TRIM55: variants seen among roughly 807,000 people sequenced by gnomAD.
TRIM55 encodes the protein tripartite motif containing 55.
Under a neutral mutation model 60.9 loss-of-function variants are expected in TRIM55, and 50 were observed. The observed-to-expected ratio is 0.82, with a 90% confidence interval of 0.65 to 1.04. TRIM55 has a LOEUF of 1.04. Ranked by LOEUF, TRIM55 falls within the 50% of genes least tolerant of loss-of-function variation. The pLI, the probability that TRIM55 is intolerant of heterozygous loss-of-function variation, is 0.00. For synonymous variants in TRIM55, 237 were observed against 238.1 expected (o/e 1.00, Z 0.04); for missense variants, 681 against 666.9 (o/e 1.02, Z -0.23).
chr8:66,113,737 C>T, the TRIM55 span: 1 of 359,292 alleles, frequency 2.8e-6, no homozygotes, highest in Non-Finnish European at 5.5e-6. Context: ...GCCCGGGCCC[C>T]GAGTCACACA....
chr8:66,133,800 A>C (rs1391412614), intron 2 of TRIM55, among the ~76,000 whole-genome samples: 6 of 152,214 alleles, frequency 3.9e-5, no homozygotes, highest in Non-Finnish European at 8.8e-5. Context: ...GCTACAAGAT[A>C]CCACACATCA....
chr8:66,153,594 A>C (rs1432057982), intron 8 of TRIM55, among the ~76,000 whole-genome samples: 4 of 152,252 alleles, frequency 2.6e-5, no homozygotes, highest in Non-Finnish European at 1.5e-5. Flanking sequence ...TGAGCATTTC[A>C]GTTGTATTAA....
rs1314528382 is a variant in TRIM55 at position 66,150,240 on chromosome 8, G to A, written c.860+1G>A. ...AGAATGCCAAAACCCTGCTAAAAAA[G>A]TAAGAACTTTTTATTTTATGTAAAA... On this transcript the variant is annotated splice_donor_variant, in intron 6 of 9. Transcript: ENST00000315962. LOFTEE classifies it high-confidence loss of function. 1 of 1,613,014 alleles carries A rather than the reference G, an allele frequency of 6.2e-7. No individual in the cohort carries two copies. Among genetic ancestry groups the A allele is most frequent in the Admixed American group, 1.7e-5 (1 of 59,878 alleles).
the TRIM55 span, among the ~76,000 whole-genome samples, chr8:66,120,511 A>C: frequency 6.6e-6 from 1 of 152,220 alleles, no homozygotes. Flanking sequence ...CCAGGGAGGC[A>C]AGGAGAAGCT....
chr8:66,163,733 A>T (rs1173246034), intron 9 of TRIM55, among the ~76,000 whole-genome samples: 1 of 152,186 alleles, frequency 6.6e-6, no homozygotes, highest in African/African-American at 2.4e-5. Flanking sequence ...GCATGTGAAA[A>T]CACAAGTGTT....
At position 66,152,590 on chromosome 8, in the gene TRIM55, C is replaced by T. The variant is rs574439941; in HGVS notation, c.1199C>T (p.Pro400Leu). 41 of 1,614,138 alleles carry T rather than the reference C, an allele frequency of 2.5e-5. No individual in the cohort carries two copies. Among genetic ancestry groups the T allele is most frequent in the Admixed American group, 6.7e-5 (4 of 60,010 alleles). ...ALPVSSPEPP[P>L]ALPPAADAPV... The stretch of plus-strand genomic sequence containing the variant: ...CCAGTTTCCTCTCCAGAGCCACCTC[C>T]AGCCCTGCCACCTGCTGCGGATGCC... Residue 400 changes from proline to leucine, a missense_variant, in exon 8 of 10, where the codon CCA becomes CTA. Pro to Leu is a moderately conservative substitution (Grantham distance 98). Transcript: ENST00000315962.
chr8:66,128,855 C>T (rs1808980660), intron 2 of TRIM55, among the ~76,000 whole-genome samples: 1 of 152,138 alleles, frequency 6.6e-6, no homozygotes, highest in South Asian at 2.1e-4. Context: ...AAAAAAAAAT[C>T]TAGTAAATAC....
chr8:66,169,225 G>C (rs777157901), intron 9 of TRIM55, among the ~76,000 whole-genome samples: 10 of 152,182 alleles, frequency 6.6e-5, no homozygotes, highest in Non-Finnish European at 1.2e-4. Context: ...TTAGGTAGAA[G>C]AGGTGGGGTG....
chr8:66,118,161 T>C, the TRIM55 span, among the ~76,000 whole-genome samples: 1 of 78,918 alleles, frequency 1.3e-5, no homozygotes, highest in African/African-American at 6.4e-5. Flanking sequence ...AGAGCGAGAC[T>C]CCGTCTCAAA....
At chr8:66,174,292 T>G (rs984935142) in intron 9 of TRIM55, among the ~76,000 whole-genome samples, 179 bp from the exon 10 acceptor site, 2 of 151,942 alleles carry the variant, frequency 1.3e-5, no homozygotes, top group Admixed American at 1.3e-4. Context: ...CTCTTGGCTG[T>G]AGCCAAAATA....
chr8:66,114,839 G>A, the TRIM55 span: 9 of 327,574 alleles, frequency 2.7e-5, no homozygotes, highest in African/African-American at 4.3e-5. Context: ...TAATGTCATT[G>A]TCCTCCTGTG....
intron 4 of TRIM55, among the ~76,000 whole-genome samples, chr8:66,147,087 C>A (rs1696183550): frequency 6.6e-6 from 1 of 152,220 alleles, no homozygotes; most frequent in Admixed American, 6.5e-5. Flanking sequence ...TGGTATAAAT[C>A]TCTAAAATAT....
rs780317501 is a variant in TRIM55, at chr8:66,154,251, A to C, written c.1441A>C (p.Lys481Gln). The part of the protein sequence containing the change: ...PPGSEDSNVR[K>Q]AEVAAAAASE... ...AGGTTCTGAGGATTCGAATGTACGG[A>C]AGGCAGAAGTGGCAGCAGCCGCAGC... The change falls in exon 9 of 10, where the codon AAG becomes CAG. Residue 481 changes from lysine (K) to glutamine (Q), a missense_variant. Lys to Gln is a moderately conservative substitution (Grantham distance 53). Transcript: ENST00000315962. The C allele has an allele frequency of 8.1e-6, 13 of 1,614,042 alleles. No individual in the cohort carries two copies. In the Admixed American group the frequency reaches 1.7e-4, roughly 21 times the overall value.
Position 66,174,813 on chromosome 8 carries a change from CTT to C in TRIM55, c.*221_*222del, listed in dbSNP as rs1306396959. 5.7e-6 allele frequency: 2 copies of C among 348,464 alleles called. No homozygotes were observed. Among genetic ancestry groups the C allele is most frequent in the African/African-American group, 4.4e-5 (2 of 45,738 alleles). 21.6% of individuals were successfully genotyped at this position (348,464 alleles called of 1,614,324 possible). On this transcript the variant is annotated 3_prime_UTR_variant, in exon 10 of 10. Coordinates refer to ENST00000315962, the MANE Select transcript of TRIM55 (RefSeq NM_184085.2). The stretch of plus-strand genomic sequence containing the variant: ...TGCAGAAAGCACTGGAAATAATAAA[CTT>C]GATCTTATACAAATCTTCTATTGTG...
chr8:66,161,318 C>T (rs1415219656), intron 9 of TRIM55, among the ~76,000 whole-genome samples: 9 of 151,906 alleles, frequency 5.9e-5, no homozygotes, highest in African/African-American at 1.9e-4. Flanking sequence ...TTTGTTTTGT[C>T]GAAGATCAGT....
intron 4 of TRIM55, among the ~76,000 whole-genome samples, chr8:66,139,935 G>A (rs1481188416): frequency 1.3e-5 from 2 of 152,184 alleles, no homozygotes; most frequent in African/African-American, 4.8e-5. Flanking sequence ...CATATATGAT[G>A]GAGGTCTCAT....
chr8:66,125,220 A>G (rs1586158646), upstream of TRIM55, among the ~76,000 whole-genome samples: 2 of 152,314 alleles, frequency 1.3e-5, no homozygotes, highest in East Asian at 3.9e-4. Context: ...GACAAAACAA[A>G]CTTTCTCGAT....
intron 4 of TRIM55, among the ~76,000 whole-genome samples, chr8:66,138,814 C>T (rs1389565297): frequency 6.6e-6 from 1 of 152,172 alleles, no homozygotes; most frequent in African/African-American, 2.4e-5. Context: ...ATTAAATAAG[C>T]AGAAGCAAAA....
chr8:66,151,531 C>T (rs1028887788), intron 7 of TRIM55, among the ~76,000 whole-genome samples: 1 of 152,102 alleles, frequency 6.6e-6, no homozygotes, highest in African/African-American at 2.4e-5. Flanking sequence ...TATTGCCTGT[C>T]CTTAATGTCG....
Sources: allele counts gnomAD v4.1 joint callset (sites outside exome capture counted in the v4.1 genomes callset), GRCh38; gene constraint gnomAD v4.1.1; transcripts MANE v1.5; gene names NCBI Gene and HGNC (gene_info 2026-07-23, HGNC 2026-07-21).